AGBL1: variants seen among roughly 807,000 people sequenced by gnomAD.
AGBL1 encodes cytosolic carboxypeptidase 4.
A neutral mutation model predicts 118.9 loss-of-function variants in AGBL1; 130 were observed. The ratio of observed to expected loss-of-function variants is 1.09; its 90% CI spans 0.95 to 1.26. The LOEUF (loss-of-function observed/expected upper bound fraction) is 1.26. Ranked by LOEUF, AGBL1 falls within the 50% of genes most tolerant of loss-of-function variation. The pLI is 0.00. For synonymous variants in AGBL1, 555 were observed against 478.9 expected (o/e 1.16, Z -2.08); for missense variants, 1,584 against 1,298.1 (o/e 1.22, Z -3.38).
At chr15:86,543,864 C>T (rs1187909192) in intron 19 of AGBL1, among the ~76,000 whole-genome samples, 1 of 152,184 alleles carries the variant, frequency 6.6e-6, no homozygotes, top group Non-Finnish European at 1.5e-5. Context: ...GATATTATTT[C>T]CTCATTCAAC....
chr15:86,301,717 A>G (rs185092367), intron 17 of AGBL1, among the ~76,000 whole-genome samples: 1 of 150,752 alleles, frequency 6.6e-6, no homozygotes, highest in Non-Finnish European at 1.5e-5. Flanking sequence ...TCATTATAAT[A>G]CAGAAAGTTT....
intron 24 of AGBL1, among the ~76,000 whole-genome samples, chr15:87,012,709 A>G (rs1051136077): frequency 6.6e-6 from 1 of 151,930 alleles, no homozygotes; most frequent in Non-Finnish European, 1.5e-5. Context: ...ATACGAAAAA[A>G]ATTATTTTTT....
At chr15:86,173,620 T>G (rs1028469717) in intron 5 of AGBL1, among the ~76,000 whole-genome samples, 1 of 152,190 alleles carries the variant, frequency 6.6e-6, no homozygotes, top group Non-Finnish European at 1.5e-5. Context: ...GATTTTTGTA[T>G]GTGCCGAGAG....
intron 24 of AGBL1, among the ~76,000 whole-genome samples, chr15:87,003,775 A>G (rs1469236257): frequency 6.6e-6 from 1 of 152,164 alleles, no homozygotes; most frequent in African/African-American, 2.4e-5. Context: ...AGAGATGTTT[A>G]TAGTATTCTC....
intron 1 of AGBL1, among the ~76,000 whole-genome samples, chr15:86,106,484 G>A (rs868084379): frequency 8.5e-5 from 13 of 152,294 alleles, no homozygotes; most frequent in Middle Eastern, 6.8e-3. Flanking sequence ...GCTGTTCCAG[G>A]GCAATTTTGC....
chr15:87,006,673 A>T (rs1688660669), intron 24 of AGBL1, among the ~76,000 whole-genome samples: 1 of 152,056 alleles, frequency 6.6e-6, no homozygotes, highest in South Asian at 2.1e-4. Context: ...GCTTTGGCTC[A>T]TGCTTTGTGC....
intron 19 of AGBL1, among the ~76,000 whole-genome samples, chr15:86,530,745 T>C (rs909589328): frequency 2.7e-5 from 4 of 147,624 alleles, no homozygotes. Context: ...AGAAGACAAA[T>C]TATAACAAAC....
intron 22 of AGBL1, among the ~76,000 whole-genome samples, chr15:86,883,775 C>T (rs2079929897): frequency 1.3e-5 from 2 of 151,978 alleles, no homozygotes; most frequent in Admixed American, 6.6e-5. Context: ...AATTTGTAGA[C>T]TAATGATATA....
intron 5 of AGBL1, among the ~76,000 whole-genome samples, chr15:86,213,992 T>A (rs1464560133): frequency 6.6e-6 from 1 of 152,178 alleles, no homozygotes; most frequent in Non-Finnish European, 1.5e-5. Context: ...TATGGGTATC[T>A]CATGTAAGTG....
intron 22 of AGBL1, among the ~76,000 whole-genome samples, chr15:86,903,391 A>G (rs920335068): frequency 2.0e-5 from 3 of 150,704 alleles, no homozygotes; most frequent in East Asian, 2.0e-4. Context: ...GGGATGTTCT[A>G]TTTCTTTCCT....
At chr15:86,216,517 C>T (rs1250542166) in intron 5 of AGBL1, among the ~76,000 whole-genome samples, 1 of 152,052 alleles carries the variant, frequency 6.6e-6, no homozygotes, top group Non-Finnish European at 1.5e-5. Context: ...TTGAGATGAT[C>T]AGGTATTTTC....
intron 21 of AGBL1, among the ~76,000 whole-genome samples, chr15:86,663,328 T>G (rs1463730868): frequency 6.6e-6 from 1 of 152,224 alleles, no homozygotes; most frequent in Non-Finnish European, 1.5e-5. Flanking sequence ...CTCAAAATGA[T>G]GTATGTAACC....
chr15:86,795,037 A>T (rs1048532583), intron 22 of AGBL1, among the ~76,000 whole-genome samples: 6 of 152,198 alleles, frequency 3.9e-5, no homozygotes, highest in Non-Finnish European at 7.3e-5. Context: ...GGGATAATCA[A>T]TTAAACAGCT....
intron 21 of AGBL1, among the ~76,000 whole-genome samples, chr15:86,568,439 A>C (rs1404010396): frequency 6.6e-6 from 1 of 152,182 alleles, no homozygotes; most frequent in African/African-American, 2.4e-5. Context: ...TTTTGCTCTT[A>C]AATCAGCTCA....
chr15:86,369,279 A>G (rs973853281), intron 17 of AGBL1, among the ~76,000 whole-genome samples: 2 of 152,220 alleles, frequency 1.3e-5, no homozygotes, highest in African/African-American at 4.8e-5. Context: ...TAGCAATGCC[A>G]ATATGGAAGA....
intron 22 of AGBL1, among the ~76,000 whole-genome samples, chr15:86,685,618 T>TAGGA (rs1409069338): frequency 1.3e-5 from 2 of 152,210 alleles, no homozygotes; most frequent in Non-Finnish European, 2.9e-5. Flanking sequence ...TGATAGGCAT[T>TAGGA]ATCTTAAAGC....
intron 17 of AGBL1, among the ~76,000 whole-genome samples, chr15:86,311,662 T>C (rs1256162598): frequency 1.3e-5 from 2 of 152,190 alleles, no homozygotes; most frequent in Non-Finnish European, 1.5e-5. Flanking sequence ...TTTTTATTTT[T>C]TCCGCTTGTA....
At position 86,754,652 on chromosome 15, in the gene AGBL1, A is replaced by C. The variant is rs138264042; in HGVS notation, c.3158+80216A>C. On this transcript the variant is annotated intron_variant, in intron 22 of 22. Transcript: ENST00000614907. Reference sequence around the variant, plus strand: ...GTGCTCCTCGTGTCCTGAAAGCATCAGCCTGGCCTCTCCTCAGTGACATCT... The same window carrying C: ...GTGCTCCTCGTGTCCTGAAAGCATCCGCCTGGCCTCTCCTCAGTGACATCT... Among the ~76,000 whole-genome samples, 1,396 of 152,184 alleles carry C rather than the reference A, an allele frequency of 9.2e-3. 15 individuals carry two copies. The highest frequency in any genetic ancestry group is 0.02 in the Middle Eastern group (6 of 294).
chr15:86,935,690 GT>G (rs1369603432), intron 23 of AGBL1, among the ~76,000 whole-genome samples: 1 of 152,242 alleles, frequency 6.6e-6, no homozygotes, highest in African/African-American at 2.4e-5. Context: ...CCACGTTAGT[GT>G]TTAGCCAGTG....
Sources: allele counts gnomAD v4.1 joint callset (sites outside exome capture counted in the v4.1 genomes callset), GRCh38; gene constraint gnomAD v4.1.1; transcripts MANE v1.5; gene names NCBI Gene and HGNC (gene_info 2026-07-23, HGNC 2026-07-21).